IL5RA: variants seen among roughly 807,000 people sequenced by gnomAD.
IL5RA encodes the protein interleukin-5 receptor subunit alpha.
Under a neutral mutation model 50.0 loss-of-function variants are expected in IL5RA, and 49 were observed. That is an observed-to-expected ratio of 0.98 (90% CI 0.78 to 1.24). IL5RA has a LOEUF of 1.24. IL5RA is among the 50% of genes most tolerant of loss of function. The probability of loss-of-function intolerance (pLI) is 0.00; values close to 1 mark genes in which losing one functional copy is unlikely to be tolerated. For missense variants in IL5RA, 600 were observed against 500.4 expected (o/e 1.20, Z -1.90); for synonymous variants, 202 against 174.0 (o/e 1.16, Z -1.26).
At position 3,092,488 on chromosome 3, in the gene IL5RA, G is replaced by A. The variant is rs1008902402; in HGVS notation, c.856-126C>T. On this transcript the variant is annotated intron_variant, in intron 8 of 11. Coordinates refer to ENST00000446632, the MANE Select transcript of IL5RA (RefSeq NM_175726.4). The surrounding 1 kb of genome is among the most constrained non-coding windows in gnomAD (Gnocchi z 4.2). ...TTCAGCAAGTCCTTTAAAATCAACA[G>A]GGCACACATTAATTCGTTTATGCTA... 13 of 851,968 alleles carry A rather than the reference G, an allele frequency of 1.5e-5. No individual in the cohort carries two copies. The highest frequency in any genetic ancestry group is 9.8e-5 in the East Asian group (4 of 40,748). 52.8% of individuals were successfully genotyped at this position (851,968 alleles called of 1,614,324 possible).
Position 3,074,864 on chromosome 3 carries a change from C to T in IL5RA, c.1094G>A (p.Cys365Tyr), listed in dbSNP as rs747012271. ...TGGAAACAACTTGATCCATAAATGA[C>T]ATCTGAAAACAGAGTAAAGAAGGAA... ...LLILSLICKI[C>Y]HLWIKLFPPI... The change falls in exon 11 of 12, where the codon TGT becomes TAT. Residue 365 changes from cysteine (C) to tyrosine (Y), a missense_variant and splice_region_variant. Transcript: ENST00000446632. 3 of 1,589,610 alleles carry T rather than the reference C, an allele frequency of 1.9e-6. No homozygotes were observed. The East Asian group carries it at 6.7e-5, about 36-fold the overall frequency.
chr3:3,092,580 C>T lies in IL5RA; in HGVS notation c.856-218G>A, dbSNP rs758587513. ...AACGCTATCTTGTAACCAAAATATA[C>T]GAAATGATCAACGGTCAAGATCCAG... On this transcript the variant is annotated intron_variant, in intron 8 of 11. Transcript: ENST00000446632. This position sits in a 1 kb window ranked among gnomAD's most constrained non-coding sequence, Gnocchi z 4.2. Among the ~76,000 whole-genome samples, 26 of 152,164 alleles carry T rather than the reference C, an allele frequency of 1.7e-4. No individual in the cohort carries two copies. Among genetic ancestry groups the T allele is most frequent in the African/African-American group, 4.1e-4 (17 of 41,432 alleles).
At chr3:3,074,280 A>G (rs1574974877) in intron 11 of IL5RA, among the ~76,000 whole-genome samples, 1 of 152,370 alleles carries the variant, frequency 6.6e-6, no homozygotes, top group South Asian at 2.1e-4. Flanking sequence ...ATTAGAGCTA[A>G]GCAGAACATT....
rs922114395 is a variant in IL5RA at position 3,070,020 on chromosome 3, C to T, written c.*205G>A. On this transcript the variant is annotated 3_prime_UTR_variant, in exon 12 of 12. Coordinates refer to ENST00000446632, the MANE Select transcript of IL5RA (RefSeq NM_175726.4). ...ATGGCAAAATGCTTGGATGAGTCAA[C>T]TTCCCTGCTGTAGGTGAGGCGATTT... The T allele has an allele frequency of 2.0e-6, 1 of 502,000 alleles. No individual in the cohort carries two copies. The allele number at this position is 502,000 out of a possible 1,614,324, so 31.1% of individuals were successfully genotyped here. A position where few individuals can be genotyped will look rare whatever the true frequency, so the allele number is the denominator to read the frequency against.
chr3:3,103,065 T>C (rs2125984738), intron 3 of IL5RA: 1 of 304,058 alleles, frequency 3.3e-6, no homozygotes, highest in South Asian at 5.2e-5. Flanking sequence ...GTATTTTTAA[T>C]AGAGACAGGG....
In IL5RA at chr3:3,098,255, T is replaced by C; in HGVS notation, c.403A>G (p.Thr135Ala). ...PGTSIVNLTCTTNTTEDNYSR... is the reference protein window; with the variant it reads ...PGTSIVNLTCATNTTEDNYSR... ...TAATTGTCTTCTGTAGTGTTTGTGG[T>C]GCAAGTTAAATTCACAATTGAGGTT... The change falls in exon 6 of 12, where the codon ACC becomes GCC. Residue 135 changes from threonine (T) to alanine (A), a missense_variant. Physicochemically the swap from Thr to Ala is moderately conservative, Grantham distance 58. Transcript: ENST00000446632. 1 of 1,614,100 alleles carries C rather than the reference T, an allele frequency of 6.2e-7. No homozygotes were observed. Among genetic ancestry groups the C allele is most frequent in the Non-Finnish European group, 8.5e-7 (1 of 1,179,950 alleles).
intron 8 of IL5RA, among the ~76,000 whole-genome samples, chr3:3,094,977 T>A (rs535992654): frequency 6.6e-6 from 1 of 152,320 alleles, no homozygotes; most frequent in East Asian, 1.9e-4. Flanking sequence ...TCCACCCACA[T>A]TGGCCTCCCA....
Position 3,102,757 on chromosome 3 carries a change from T to C in IL5RA, c.146A>G (p.Gln49Arg). 6.2e-7 allele frequency: 1 copy of C among 1,611,806 alleles called. No homozygotes were observed. Among genetic ancestry groups the C allele is most frequent in the Non-Finnish European group, 8.5e-7 (1 of 1,178,294 alleles). Reference sequence around the variant, plus strand: ...CTCTTGATCAGGATTTGGTTTCCATTGTAAAAGAACTTGAGCCAAACCAGT... The same window carrying C: ...CTCTTGATCAGGATTTGGTTTCCATCGTAAAAGAACTTGAGCCAAACCAGT... The part of the protein sequence containing the change: ...KVTGLAQVLL[Q>R]WKPNPDQEQR... Residue 49 changes from glutamine to arginine, a missense_variant, in exon 4 of 12, where the codon CAA (glutamine) becomes CGA (arginine). Transcript: ENST00000446632.
At chr3:3,080,041 G>C (rs944718074) in intron 9 of IL5RA, among the ~76,000 whole-genome samples, 1 of 143,402 alleles carries the variant, frequency 7.0e-6, no homozygotes, top group Non-Finnish European at 1.6e-5. Context: ...CGAAAAAAAA[G>C]AAAAGAAAAG....
In IL5RA at chr3:3,076,603, C is replaced by G. The variant is rs749521871; in HGVS notation, c.1019G>C (p.Arg340Thr). ...YVGNDEHKPLREWFVIVIMAT... is the reference protein window; with the variant it reads ...YVGNDEHKPLTEWFVIVIMAT... ...CATAATCACAATGACAAACCACTCT[C>G]TCAAGGGCTTGTGTTCATCATTTCC... Residue 340 changes from arginine to threonine, a missense_variant, in exon 10 of 12, where the codon AGA becomes ACA. Coordinates refer to ENST00000446632, the MANE Select transcript of IL5RA (RefSeq NM_175726.4). The G allele has an allele frequency of 1.9e-6, 3 of 1,610,568 alleles. No homozygotes were observed. The highest frequency in any genetic ancestry group is 2.5e-6 in the Non-Finnish European group (3 of 1,177,058).
intron 5 of IL5RA, 25 bp downstream of exon 5, chr3:3,101,667 C>T (rs374414218): frequency 6.2e-7 from 1 of 1,604,418 alleles, no homozygotes; most frequent in Non-Finnish European, 8.5e-7. Flanking sequence ...AACATACAAA[C>T]TGGACTTTTG....
At chr3:3,090,806 C>G (rs1364254144) in intron 9 of IL5RA, among the ~76,000 whole-genome samples, 1 of 151,958 alleles carries the variant, frequency 6.6e-6, no homozygotes, top group African/African-American at 2.4e-5. Flanking sequence ...ATCTCCTGAC[C>G]TCGTGATCTG....
In IL5RA at chr3:3,069,847, G is replaced by A. The variant is rs1702238899; in HGVS notation, c.*378C>T. ...AGTGCTACAATTGGCAGCTTAAACA[G>A]CCAAACGGGCACAGCCAGAAGTAAA... On this transcript the variant is annotated 3_prime_UTR_variant, in exon 12 of 12. Transcript: ENST00000446632. 1 of 171,342 alleles carries A rather than the reference G, an allele frequency of 5.8e-6. No individual in the cohort carries two copies. The allele number at this position is 171,342 out of a possible 1,614,324, so 10.6% of individuals were successfully genotyped here.
intron 2 of IL5RA, 32 bp from the exon 3 acceptor site, chr3:3,105,019 C>G (rs751257848): frequency 3.5e-6 from 5 of 1,414,930 alleles, no homozygotes; most frequent in Non-Finnish European, 5.0e-6. Context: ...CCAAAATCAT[C>G]TTGTTGCTAT....
chr3:3,074,007 A>G (rs956869652), intron 11 of IL5RA, among the ~76,000 whole-genome samples: 1 of 152,238 alleles, frequency 6.6e-6, no homozygotes, highest in African/African-American at 2.4e-5. Context: ...ACAGCAACTA[A>G]TTTCCTACAG....
chr3:3,104,869 A>G (rs1170576761), intron 3 of IL5RA, 34 bp downstream of exon 3: 4 of 1,303,938 alleles, frequency 3.1e-6, no homozygotes, highest in South Asian at 2.5e-5. Context: ...ATTTTTAAAA[A>G]TAAACATTAT....
At chr3:3,107,250 T>A (rs1251926310) in intron 2 of IL5RA, among the ~76,000 whole-genome samples, 2 of 10,776 alleles carry the variant, frequency 1.9e-4, no homozygotes, top group Non-Finnish European at 2.7e-4. Flanking sequence ...AAGAATGACA[T>A]TTTTTTTTTT....
chr3:3,090,482 A>AT (rs1056042674), intron 9 of IL5RA, among the ~76,000 whole-genome samples: 29 of 151,624 alleles, frequency 1.9e-4, no homozygotes, highest in Non-Finnish European at 1.8e-4. Flanking sequence ...TCCTTCTCTC[A>AT]TACAATGCCT....
intron 9 of IL5RA, among the ~76,000 whole-genome samples, chr3:3,088,076 A>T (rs906128983): frequency 2.6e-5 from 4 of 152,330 alleles, no homozygotes; most frequent in Non-Finnish European, 2.9e-5. Context: ...AACGAGGTAC[A>T]CCTGGGGGAA....
Sources: gnomAD v4.1 joint callset for allele counts (sites outside exome capture counted in the v4.1 genomes callset) on GRCh38, gnomAD v4.1.1 for gene constraint, Gnocchi (gnomAD v3.1) non-coding constraint, MANE v1.5 for transcripts, NCBI Gene and HGNC (gene_info 2026-07-23, HGNC 2026-07-21) for gene names.